The following AR variants were observed in gnomAD, a reference collection of about 807,000 sequenced individuals.
The protein encoded by AR is dihydrotestosterone receptor.
AR carries 8 observed loss-of-function variants against 53.9 expected under a neutral mutation model. The ratio of observed to expected loss-of-function variants is 0.15; its 90% confidence interval spans 0.09 to 0.27. The LOEUF is 0.27. AR is among the 10% of genes least tolerant of loss of function. The pLI is 1.00. For synonymous variants in AR, 359 were observed against 316.4 expected (o/e 1.13, Z -1.43); for missense variants, 639 against 742.5 (o/e 0.86, Z 1.62).
chrX:67,580,183 T>A (rs1223686318), intron 1 of AR, among the ~76,000 whole-genome samples: 1 of 108,782 alleles, frequency 9.2e-6, no homozygotes, highest in African/African-American at 3.3e-5. Context: ...AAAAAAAGCA[T>A]CTCCAGGGGG....
At chrX:67,665,286 A>G (rs1351759206) in intron 2 of AR, among the ~76,000 whole-genome samples, 1 of 112,539 alleles carries the variant, frequency 8.9e-6, no homozygotes, top group Non-Finnish European at 1.9e-5. Context: ...TAGTGTTACC[A>G]CCCACTGTTC....
At chrX:67,574,758 G>A (rs1038734086) in intron 1 of AR, among the ~76,000 whole-genome samples, 2 of 111,888 alleles carry the variant, frequency 1.8e-5, no homozygotes. Flanking sequence ...AGGGAAAGAT[G>A]TCAGTAAAAC....
At chrX:67,702,662 C>G (rs1053697621) in intron 3 of AR, among the ~76,000 whole-genome samples, 2 of 112,327 alleles carry the variant, frequency 1.8e-5, no homozygotes, top group African/African-American at 6.5e-5. Context: ...GCAACACCAA[C>G]CCCACTATTT....
At position 67,546,632 on chromosome X, in the gene AR, G is replaced by T; in HGVS notation, c.1486G>T (p.Asp496Tyr). The change falls in exon 1 of 8, where the codon GAC becomes TAC. Residue 496 changes from aspartate to tyrosine, a missense_variant. Physicochemically the swap from Asp to Tyr is radical, Grantham distance 160. Around this residue, in one of 5 missense-constraint regions of AR, gnomAD observed 423 missense variants for 377.0 expected, o/e 1.12. Transcript: ENST00000374690. ...PPQGLAGQES[D>Y]FTAPDVWYPG... ...TCAGGGGCTGGCGGGCCAGGAAAGC[G>T]ACTTCACCGCACCTGATGTGTGGTA... 8.3e-7 allele frequency: 1 copy of T among 1,198,595 alleles called. No homozygotes were observed. Among genetic ancestry groups the T allele is most frequent in the Non-Finnish European group, 1.1e-6 (1 of 889,306 alleles).
intron 1 of AR, among the ~76,000 whole-genome samples, chrX:67,638,416 T>C (rs1191178915): frequency 8.9e-6 from 1 of 112,005 alleles, no homozygotes; most frequent in Admixed American, 9.5e-5. Flanking sequence ...TCCACAATGG[T>C]TGAACTAATT....
At chrX:67,672,629 T>TA in intron 2 of AR, among the ~76,000 whole-genome samples, 2 of 111,555 alleles carry the variant, frequency 1.8e-5, no homozygotes, top group South Asian at 7.6e-4. Context: ...AGAAAACTAA[T>TA]AAAAACTCTA....
intron 1 of AR, among the ~76,000 whole-genome samples, chrX:67,553,601 T>G (rs908157518): frequency 1.8e-5 from 2 of 112,003 alleles, no homozygotes; most frequent in Non-Finnish European, 3.8e-5. Context: ...TCAGCTAGGA[T>G]TCTCACAGGA....
chrX:67,691,601 A>G (rs1214210417), intron 3 of AR, among the ~76,000 whole-genome samples: 6 of 111,732 alleles, frequency 5.4e-5, no homozygotes, highest in Non-Finnish European at 1.9e-5. Context: ...GTTCTCTGGA[A>G]TACACTTTCG....
intron 2 of AR, among the ~76,000 whole-genome samples, chrX:67,669,548 A>G (rs1407698872): frequency 1.8e-5 from 2 of 112,016 alleles, no homozygotes; most frequent in Non-Finnish European, 3.8e-5. Flanking sequence ...TTAAATATCT[A>G]TTAGGTCCAT....
At chrX:67,681,210 A>T (rs1441783642) in intron 2 of AR, among the ~76,000 whole-genome samples, 1 of 111,410 alleles carries the variant, frequency 9.0e-6, no homozygotes, top group Non-Finnish European at 1.9e-5. Flanking sequence ...GTGTCAAACA[A>T]CTGGGTATAA....
At chrX:67,699,947 C>G (rs1342202602) in intron 3 of AR, among the ~76,000 whole-genome samples, 1 of 111,442 alleles carries the variant, frequency 9.0e-6, no homozygotes, top group Admixed American at 9.5e-5. Flanking sequence ...TCTGCTCCTC[C>G]CTAGGAATGA....
intron 1 of AR, among the ~76,000 whole-genome samples, chrX:67,555,509 G>A (rs966197693): frequency 1.8e-5 from 2 of 111,829 alleles, no homozygotes; most frequent in African/African-American, 6.5e-5. Context: ...GAACAAGTCA[G>A]CAATAATATG....
intron 1 of AR, among the ~76,000 whole-genome samples, chrX:67,632,257 T>A (rs766371684): frequency 1.8e-5 from 2 of 113,470 alleles, no homozygotes; most frequent in African/African-American, 6.4e-5. Flanking sequence ...ACCTTGCAGT[T>A]TGATCTCAGA....
chrX:67,711,422 G>A lies in AR; in HGVS notation c.1906G>A (p.Gly636Ser), dbSNP rs2076093147. 3 of 1,193,776 alleles carry A rather than the reference G, an allele frequency of 2.5e-6. No individual in the cohort carries two copies. The highest frequency in any genetic ancestry group is 3.4e-6 in the Non-Finnish European group (3 of 886,513). ...TLGARKLKKL[G>S]NLKLQEEGEA... ...AATAGCCCGGAAGCTGAAGAAACTTGGTAATCTGAAACTACAGGAGGAAGG... is the reference window on the plus strand; with the variant it reads ...AATAGCCCGGAAGCTGAAGAAACTTAGTAATCTGAAACTACAGGAGGAAGG... The change falls in exon 4 of 8, where the codon GGT (glycine) becomes AGT (serine). Residue 636 changes from glycine to serine, a missense_variant. Around this residue, in one of 5 missense-constraint regions of AR, gnomAD observed 47 missense variants for 35.9 expected, o/e 1.31. Coordinates refer to ENST00000374690, the MANE Select transcript of AR (RefSeq NM_000044.6).
At position 67,545,306 on chromosome X, in the gene AR, TTGC is replaced by T. The variant is rs752055010; in HGVS notation, c.170_172del (p.Leu57del). The T allele has an allele frequency of 1.0e-4, 117 of 1,143,649 alleles. No individual in the cohort carries two copies. The highest frequency in any genetic ancestry group is 8.1e-4 in the African/African-American group (40 of 49,190). 94.2% of individuals were successfully genotyped at this position (1,143,649 alleles called of 1,213,427 possible). On this transcript the variant is annotated inframe_deletion, in exon 1 of 8. Transcript: ENST00000374690. ...GAGCGCAGCACCTCCCGGCGCCAGT[TTGC>T]TGCTGCTGCAGCAGCAGCAGCAGCA...
chrX:67,691,342 T>C (rs1300766616), intron 3 of AR, among the ~76,000 whole-genome samples: 1 of 112,373 alleles, frequency 8.9e-6, no homozygotes, highest in Admixed American at 9.4e-5. Context: ...TTTACTGGTA[T>C]GTGTCCTGAG....
intron 3 of AR, among the ~76,000 whole-genome samples, chrX:67,708,785 G>C (rs1038207834): frequency 4.5e-5 from 5 of 111,389 alleles, no homozygotes; most frequent in Non-Finnish European, 1.9e-5. Context: ...TCTACCTTTG[G>C]TCTTTGATGA....
rs752785069 is a variant in AR, at chrX:67,660,938, T to G, written c.1768+17531T>G. Among the ~76,000 whole-genome samples the G allele has an allele frequency of 1.4e-3, 159 of 111,599 alleles. 1 individual carries two copies. The highest frequency in any genetic ancestry group is 5.0e-3 in the African/African-American group (154 of 30,725). ...TTGAAGAGGTCCTTCAAGTCCCTTG[T>G]AAGTTGGATTCCTAGGTATTTTATT... On this transcript the variant is annotated intron_variant, in intron 2 of 7. Transcript: ENST00000374690.
intron 2 of AR, among the ~76,000 whole-genome samples, chrX:67,675,051 G>A (rs747870624): frequency 1.8e-5 from 2 of 110,753 alleles, no homozygotes; most frequent in African/African-American, 3.3e-5. Flanking sequence ...CAAGGCAGCC[G>A]GTTTCTTTCT....
Sources: gnomAD v4.1 joint callset for allele counts (sites outside exome capture counted in the v4.1 genomes callset) on GRCh38, gnomAD v4.1.1 for gene constraint, gnomAD v4.1.1 regional missense constraint, MANE v1.5 for transcripts, NCBI Gene and HGNC (gene_info 2026-07-23, HGNC 2026-07-21) for gene names.